NOX4: variants seen among roughly 807,000 people sequenced by gnomAD.
NOX4 encodes NADPH oxidase 4.
In NOX4, 69 loss-of-function variants were observed where a neutral mutation model predicts 87.6. The observed-to-expected ratio is 0.79, with a 90% confidence interval of 0.65 to 0.96. The LOEUF is 0.96. NOX4 is among the 40% of genes least tolerant of loss of function. The pLI, the probability that NOX4 is intolerant of heterozygous loss-of-function variation, is 0.00. For synonymous variants in NOX4, 275 were observed against 238.2 expected (o/e 1.15, Z -1.42); for missense variants, 680 against 681.5 (o/e 1.00, Z 0.02).
At chr11:89,439,192 G>C (rs1220612375) in intron 6 of NOX4, among the ~76,000 whole-genome samples, 1 of 149,990 alleles carries the variant, frequency 6.7e-6, no homozygotes, top group African/African-American at 2.4e-5. Flanking sequence ...TTATGTTTTA[G>C]AAAATAATAT....
chr11:89,510,276 A>G, the NOX4 span, among the ~76,000 whole-genome samples: 112 of 152,216 alleles, frequency 7.4e-4, no homozygotes, highest in African/African-American at 2.6e-3. Context: ...AATCATGCAG[A>G]GCAAAGAAGC....
At chr11:89,470,447 G>A (rs1945882543) in intron 2 of NOX4, among the ~76,000 whole-genome samples, 1 of 152,136 alleles carries the variant, frequency 6.6e-6, no homozygotes, top group African/African-American at 2.4e-5. Flanking sequence ...ATGAATGAAT[G>A]AGGCTAAGAG....
intron 11 of NOX4, among the ~76,000 whole-genome samples, chr11:89,387,990 C>A (rs980423536): frequency 6.6e-6 from 1 of 152,148 alleles, no homozygotes; most frequent in Non-Finnish European, 1.5e-5. Flanking sequence ...CAAATGGGTT[C>A]CAGCTATTGA....
the NOX4 span, among the ~76,000 whole-genome samples, chr11:89,541,616 A>G: frequency 6.6e-6 from 1 of 152,150 alleles, no homozygotes; most frequent in African/African-American, 2.4e-5. Context: ...GTTATAAGTG[A>G]TATACTCATC....
chr11:89,380,096 G>A lies in NOX4; in HGVS notation c.1075-6604C>T, dbSNP rs528568229. Among the ~76,000 whole-genome samples, 97 of 152,288 alleles carry A rather than the reference G, an allele frequency of 6.4e-4. 1 individual carries two copies. Among genetic ancestry groups the A allele is most frequent in the African/African-American group, 2.1e-3 (89 of 41,552 alleles). ...AAATCTGGGCTAGGAATATAAACTT[G>A]GGACATGAAGCATATGGATGTATCA... is the stretch of plus-strand genomic sequence containing the variant. On this transcript the variant is annotated intron_variant, in intron 11 of 17. Coordinates refer to ENST00000263317, the MANE Select transcript of NOX4 (RefSeq NM_016931.5).
chr11:89,417,361 T>G (rs768850181), intron 8 of NOX4, among the ~76,000 whole-genome samples: 13 of 152,046 alleles, frequency 8.6e-5, no homozygotes, highest in Non-Finnish European at 1.6e-4. Context: ...AAAGAGGAAA[T>G]GGTTTTGTTT....
intron 2 of NOX4, among the ~76,000 whole-genome samples, chr11:89,460,381 G>T (rs147481352): frequency 0.016 from 2,461 of 151,982 alleles, 79 homozygotes; most frequent in African/African-American, 0.055. Flanking sequence ...GGCAACCTAC[G>T]GAATGGGAGA....
At chr11:89,526,120 A>C in the NOX4 span, among the ~76,000 whole-genome samples, 1 of 152,232 alleles carries the variant, frequency 6.6e-6, no homozygotes, top group Non-Finnish European at 1.5e-5. Context: ...TCTTGAAAGC[A>C]GCTTGTATAA....
At chr11:89,363,526 C>T (rs1938696073) in intron 12 of NOX4, among the ~76,000 whole-genome samples, 1 of 151,872 alleles carries the variant, frequency 6.6e-6, no homozygotes, top group African/African-American at 2.4e-5. Context: ...GCCATTATAG[C>T]TACTTGAAAA....
At chr11:89,482,779 G>A (rs1287851806) in intron 2 of NOX4, among the ~76,000 whole-genome samples, 1 of 151,978 alleles carries the variant, frequency 6.6e-6, no homozygotes, top group East Asian at 1.9e-4. Flanking sequence ...GATACAAAAA[G>A]CACACTAACA....
At chr11:89,339,898 T>C (rs1945900753) in intron 15 of NOX4, among the ~76,000 whole-genome samples, 165 bp downstream of exon 15, 1 of 152,208 alleles carries the variant, frequency 6.6e-6, no homozygotes, top group South Asian at 2.1e-4. Flanking sequence ...CTAACAGATA[T>C]TATCTCTGAT....
chr11:89,444,280 C>G (rs55745245), intron 4 of NOX4, 48 bp from the exon 5 acceptor site: 3 of 1,490,520 alleles, frequency 2.0e-6, no homozygotes, highest in African/African-American at 1.4e-5. Context: ...CATATATGCT[C>G]TATGTCAAGG....
At chr11:89,353,692 G>A (rs1178884519) in intron 13 of NOX4, among the ~76,000 whole-genome samples, 1 of 152,162 alleles carries the variant, frequency 6.6e-6, no homozygotes, top group Non-Finnish European at 1.5e-5. Context: ...ATAACCACCT[G>A]AGAAACTACT....
chr11:89,455,602 T>G (rs1945158596), intron 2 of NOX4, among the ~76,000 whole-genome samples: 1 of 152,078 alleles, frequency 6.6e-6, no homozygotes, highest in Admixed American at 6.6e-5. Flanking sequence ...TTGTGGTTAT[T>G]TTATTCACAA....
rs759225821 is a variant in NOX4, at chr11:89,355,013, G to A, written c.1166C>T (p.Ser389Phe). The change falls in exon 13 of 18, where the codon TCT becomes TTT. Residue 389 changes from serine to phenylalanine, a missense_variant. Coordinates refer to ENST00000263317, the MANE Select transcript of NOX4 (RefSeq NM_016931.5). Reference protein sequence around the residue: ...ERFRDLLLPPSSQDSEILPFI... With the variant: ...ERFRDLLLPPFSQDSEILPFI... The stretch of plus-strand genomic sequence containing the variant: ...GGGCAGAATTTCGGAGTCTTGACTA[G>A]ATGGAGGCAGTAGTAAATCTCGAAA... 1.2e-6 allele frequency: 2 copies of A among 1,602,764 alleles called. No homozygotes were observed. Among genetic ancestry groups the A allele is most frequent in the Non-Finnish European group, 1.7e-6 (2 of 1,171,452 alleles).
chr11:89,353,413 G>T (rs1937714644), intron 13 of NOX4, among the ~76,000 whole-genome samples: 1 of 152,094 alleles, frequency 6.6e-6, no homozygotes, highest in Non-Finnish European at 1.5e-5. Flanking sequence ...TCCTCTACCA[G>T]CAAAAAGTTT....
intron 8 of NOX4, among the ~76,000 whole-genome samples, chr11:89,408,112 G>A (rs1425915483): frequency 6.6e-6 from 1 of 152,070 alleles, no homozygotes; most frequent in African/African-American, 2.4e-5. Context: ...ATTTATTGCA[G>A]TTCTCTAACT....
intron 17 of NOX4, among the ~76,000 whole-genome samples, chr11:89,335,242 G>C (rs547025617): frequency 6.6e-6 from 1 of 151,848 alleles, no homozygotes; most frequent in South Asian, 2.1e-4. Context: ...GGGCTGGCTG[G>C]TCTGTGCCCT....
chr11:89,490,106 A>G (rs566772556), intron 2 of NOX4, among the ~76,000 whole-genome samples: 3 of 152,316 alleles, frequency 2.0e-5, no homozygotes, highest in African/African-American at 7.2e-5. Flanking sequence ...AAGCACTGAT[A>G]AGTATATACT....
Sources: gnomAD v4.1 joint callset for allele counts (sites outside exome capture counted in the v4.1 genomes callset) on GRCh38, gnomAD v4.1.1 for gene constraint, MANE v1.5 for transcripts, NCBI Gene and HGNC (gene_info 2026-07-23, HGNC 2026-07-21) for gene names.